The following GLIS3 variants were observed in gnomAD, a reference collection of about 807,000 sequenced individuals.
GLIS3 encodes GLIS family zinc finger 3, also known as zinc finger protein GLIS3.
GLIS3 carries 53 observed loss-of-function variants against 78.6 expected under a neutral mutation model. The ratio of observed to expected loss-of-function variants is 0.67; its 90% CI spans 0.54 to 0.85. The LOEUF (loss-of-function observed/expected upper bound fraction) is 0.85. GLIS3 is among the 40% of genes least tolerant of loss of function. The pLI is 0.00. For synonymous variants in GLIS3, 684 were observed against 509.9 expected (o/e 1.34, Z -4.60); for missense variants, 1,703 against 1,231.1 (o/e 1.38, Z -5.74).
intron 2 of GLIS3, among the ~76,000 whole-genome samples, chr9:4,321,421 C>CCAAAAA (rs1817525732): frequency 6.1e-5 from 1 of 16,304 alleles, no homozygotes; most frequent in Non-Finnish European, 1.1e-4. Flanking sequence ...GACTCCGTCT[C>CCAAAAA]AAAAAAAAAA....
At chr9:3,887,274 A>AATTGACAGCAAACATTGGC (rs1822143724) in intron 7 of GLIS3, among the ~76,000 whole-genome samples, 2 of 152,180 alleles carry the variant, frequency 1.3e-5, no homozygotes, top group Non-Finnish European at 2.9e-5. Context: ...ACCACAAGCT[A>AATTGACAGCAAACATTGGC]ATTGACAGCA....
the GLIS3 span, among the ~76,000 whole-genome samples, chr9:4,429,882 A>G: frequency 1.8e-4 from 28 of 152,130 alleles, no homozygotes; most frequent in African/African-American, 5.3e-4. Flanking sequence ...ACCTTGGATA[A>G]CCTTCTAAAC....
chr9:4,411,721 G>C, the GLIS3 span, among the ~76,000 whole-genome samples: 1 of 152,104 alleles, frequency 6.6e-6, no homozygotes, highest in African/African-American at 2.4e-5. Context: ...CACAGCTCAT[G>C]CTCCCAAAGA....
upstream of GLIS3, among the ~76,000 whole-genome samples, chr9:4,303,151 T>A (rs771658775): frequency 5.3e-5 from 8 of 151,992 alleles, no homozygotes; most frequent in Non-Finnish European, 7.4e-5. Flanking sequence ...TGCAAAGAAC[T>A]ATGATCAGAT....
chr9:4,374,960 A>T, the GLIS3 span, among the ~76,000 whole-genome samples: 4 of 151,928 alleles, frequency 2.6e-5, no homozygotes, highest in Non-Finnish European at 4.4e-5. Flanking sequence ...TGCTATTTAC[A>T]ATTTGCAACA....
intron 6 of GLIS3, among the ~76,000 whole-genome samples, chr9:3,899,271 A>G (rs1823106563): frequency 6.6e-6 from 1 of 152,212 alleles, no homozygotes; most frequent in African/African-American, 2.4e-5. Flanking sequence ...TTTAACTCCT[A>G]TAGATTTTCC....
intron 4 of GLIS3, among the ~76,000 whole-genome samples, chr9:4,091,565 G>C (rs1829506993): frequency 6.6e-6 from 1 of 152,074 alleles, no homozygotes; most frequent in African/African-American, 2.4e-5. Flanking sequence ...AAGTATGAAT[G>C]TGCAGTCATG....
intron 9 of GLIS3, 85 bp from the exon 10 acceptor site, chr9:3,829,577 G>T: frequency 7.0e-7 from 1 of 1,429,070 alleles, no homozygotes; most frequent in Non-Finnish European, 9.8e-7. Flanking sequence ...ACCTCACTCA[G>T]CCTGGCTTCC....
rs58794068 is a variant in GLIS3 at position 4,319,983 on chromosome 9, TTGTGTGTGTGTGTGTGTGTGTG to T, written n.265-9477_265-9456del. Among the ~76,000 whole-genome samples, 836 of 145,170 alleles carry T rather than the reference TTGTGTGTGTGTGTGTGTGTGTG, an allele frequency of 5.8e-3. 5 individuals carry two copies. The highest frequency in any genetic ancestry group is 0.043 in the East Asian group (216 of 4,982). ...CCTTACAGTAGGTTAGTAGAGGGGG[TTGTGTGTGTGTGTGTGTGTGTG>T]TGTGTGTGTGTGTGTGTGTGCGCGC... On this transcript the variant is annotated intron_variant and non_coding_transcript_variant, in intron 2 of 4. Transcript: ENST00000471664.
At chr9:4,426,723 A>C in the GLIS3 span, among the ~76,000 whole-genome samples, 1 of 152,212 alleles carries the variant, frequency 6.6e-6, no homozygotes, top group Admixed American at 6.5e-5. Flanking sequence ...TCCTGGCTCC[A>C]TCTCTTTCTT....
Position 4,117,922 on chromosome 9 carries a change from C to A in GLIS3, c.1556G>T (p.Arg519Leu). The A allele has an allele frequency of 6.2e-7, 1 of 1,614,126 alleles. No homozygotes were observed. The highest frequency in any genetic ancestry group is 1.1e-5 in the South Asian group (1 of 91,080). The change falls in exon 4 of 11, where the codon CGG becomes CTG. Residue 519 changes from arginine to leucine, a missense_variant. By Grantham distance (102) the Arg-to-Leu change is moderately radical. Coordinates refer to ENST00000381971, the MANE Select transcript of GLIS3 (RefSeq NM_001042413.2). ...ALYDQQEELVRHIEKVHIDQR... is the reference protein window; with the variant it reads ...ALYDQQEELVLHIEKVHIDQR... ...GTCGATGTGGACCTTCTCGATGTGC[C>A]GCACGAGCTCCTCCTGCTGGTCGTA...
chr9:4,481,762 G>C, the GLIS3 span, among the ~76,000 whole-genome samples: 2 of 152,010 alleles, frequency 1.3e-5, no homozygotes, highest in African/African-American at 2.4e-5. Context: ...TTCGTTATAA[G>C]TTTCTAGAGG....
At chr9:3,845,243 T>C (rs780732808) in intron 9 of GLIS3, among the ~76,000 whole-genome samples, 1 of 152,150 alleles carries the variant, frequency 6.6e-6, no homozygotes, top group Non-Finnish European at 1.5e-5. Context: ...AGACTCTATA[T>C]GCAATGACCT....
At chr9:4,373,918 G>A in the GLIS3 span, among the ~76,000 whole-genome samples, 139 of 152,048 alleles carry the variant, frequency 9.1e-4, no homozygotes, top group African/African-American at 3.1e-3. Context: ...TGCCTGCCTC[G>A]GCCTCCCACA....
At chr9:3,905,046 C>G (rs1387691842) in intron 6 of GLIS3, among the ~76,000 whole-genome samples, 1 of 151,432 alleles carries the variant, frequency 6.6e-6, no homozygotes, top group East Asian at 1.9e-4. Flanking sequence ...GATCTCGGCT[C>G]ACTGCAAGCT....
chr9:4,051,006 A>C (rs1825713027), intron 4 of GLIS3, among the ~76,000 whole-genome samples: 1 of 152,044 alleles, frequency 6.6e-6, no homozygotes, highest in South Asian at 2.1e-4. Flanking sequence ...CTTCTGAAGA[A>C]TGTAGGATCC....
At chr9:4,185,436 T>C (rs976165293) in intron 2 of GLIS3, among the ~76,000 whole-genome samples, 4 of 152,218 alleles carry the variant, frequency 2.6e-5, no homozygotes, top group East Asian at 3.8e-4. Context: ...TGTCTTTGTG[T>C]TGACGTACTA....
At chr9:4,021,604 C>T (rs1227158905) in intron 4 of GLIS3, among the ~76,000 whole-genome samples, 3 of 152,136 alleles carry the variant, frequency 2.0e-5, no homozygotes, top group African/African-American at 7.2e-5. Context: ...TCCTATTCAA[C>T]AGTTGAACAC....
rs910214128 is a variant in GLIS3, at chr9:3,825,982, G to T, written c.*2290C>A. 2 of 152,194 alleles carry T rather than the reference G, an allele frequency of 1.3e-5. No individual in the cohort carries two copies. Among genetic ancestry groups the T allele is most frequent in the Non-Finnish European group, 1.5e-5 (1 of 68,038 alleles). The allele number at this position is 152,194 out of a possible 1,614,324, so 9.4% of individuals were successfully genotyped here. A position where few individuals can be genotyped will look rare whatever the true frequency, so the allele number is the denominator to read the frequency against. ...CCCTGTGAGGTAAGAAAGGGGCAGGGTTACTGTGAGAGGCCACAGGAAGAC... is the reference window on the plus strand; with the variant it reads ...CCCTGTGAGGTAAGAAAGGGGCAGGTTTACTGTGAGAGGCCACAGGAAGAC... On this transcript the variant is annotated 3_prime_UTR_variant, in exon 11 of 11. Transcript: ENST00000381971.
Sources: gnomAD v4.1 joint callset for allele counts (sites outside exome capture counted in the v4.1 genomes callset) on GRCh38, gnomAD v4.1.1 for gene constraint, MANE v1.5 for transcripts, NCBI Gene and HGNC (gene_info 2026-07-23, HGNC 2026-07-21) for gene names.